GPR179: variants seen among roughly 807,000 people sequenced by gnomAD.
GPR179 encodes the protein G protein-coupled receptor 179.
GPR179 carries 52 observed loss-of-function variants against 70.8 expected under a neutral mutation model. That is an observed-to-expected ratio of 0.73 (90% CI 0.59 to 0.93). The LOEUF (loss-of-function observed/expected upper bound fraction) is 0.93, where lower values mean the gene tolerates loss of function less well. GPR179 is among the 40% of genes least tolerant of loss of function. GPR179 has a pLI of 0.00. For synonymous variants in GPR179, 1,123 were observed against 1,169.0 expected (o/e 0.96, Z 0.80); for missense variants, 2,734 against 2,966.8 (o/e 0.92, Z 1.82).
Position 38,336,969 on chromosome 17 carries a change from C to T in GPR179, c.1227+9G>A. 4.4e-6 allele frequency: 7 copies of T among 1,577,348 alleles called. No homozygotes were observed. Among genetic ancestry groups the T allele is most frequent in the Non-Finnish European group, 6.0e-6 (7 of 1,161,918 alleles). On this transcript the variant is annotated intron_variant, in intron 4 of 10. Coordinates refer to ENST00000616987, the MANE Select transcript of GPR179 (RefSeq NM_001004334.4). ...GACATGTGTGTAGGAGGTGTGGGGCCTTCCTTGCCTTGTTCCGGCGGCAGC... is the reference window on the plus strand; with the variant it reads ...GACATGTGTGTAGGAGGTGTGGGGCTTTCCTTGCCTTGTTCCGGCGGCAGC...
intron 4 of GPR179, among the ~76,000 whole-genome samples, chr17:38,336,506 C>G (rs1221927195): frequency 6.6e-6 from 1 of 152,242 alleles, no homozygotes; most frequent in Non-Finnish European, 1.5e-5. Context: ...TAGGGTACCC[C>G]TTCTTGGCCC....
Position 38,330,013 on chromosome 17 carries a change from C to G in GPR179, c.3556G>C (p.Gly1186Arg). The change falls in exon 11 of 11, where the codon GGT (glycine) becomes CGT (arginine). Residue 1186 changes from glycine to arginine, a missense_variant. By Grantham distance (125) the Gly-to-Arg change is moderately radical. Coordinates refer to ENST00000616987, the MANE Select transcript of GPR179 (RefSeq NM_001004334.4). ...QEDRGRRMTQ[G>R]LGERKAERAG... ...CTCTCAGCTTTCCGTTCCCCTAGAC[C>G]CTGGGTCATCCTCCTGCCTCTGTCT... is the stretch of plus-strand genomic sequence containing the variant. 6.2e-7 allele frequency: 1 copy of G among 1,614,226 alleles called. No individual in the cohort carries two copies. The highest frequency in any genetic ancestry group is 1.3e-5 in the African/African-American group (1 of 75,056).
rs534077744 is a variant in GPR179, at chr17:38,325,414, G to A, written c.*1051C>T. 1 of 141,016 alleles carries A rather than the reference G, an allele frequency of 7.1e-6. No homozygotes were observed. The highest frequency in any genetic ancestry group is 1.6e-5 in the Non-Finnish European group (1 of 64,360). The allele number at this position is 141,016 out of a possible 1,614,324, so 8.7% of individuals were successfully genotyped here. The stretch of plus-strand genomic sequence containing the variant: ...TGCCTTTCTTGAGCTCCTCTGGAAG[G>A]AGATTGATGTGGCCTCTTGTTACTG... On this transcript the variant is annotated 3_prime_UTR_variant, in exon 11 of 11. Coordinates refer to ENST00000616987, the MANE Select transcript of GPR179 (RefSeq NM_001004334.4).
In GPR179 at chr17:38,331,112, G is replaced by A. The variant is rs769007049; in HGVS notation, c.2457C>T (p.Ser819=). Residue 819 remains serine (S), a synonymous_variant, in exon 11 of 11, where the codon AGC becomes AGT. Coordinates refer to ENST00000616987, the MANE Select transcript of GPR179 (RefSeq NM_001004334.4). ...TCTCTCCCACCGTCAGGTTGTGGGCGCTGGCTGACCTGAAGCCCAGGGCAG... is the reference window on the plus strand; with the variant it reads ...TCTCTCCCACCGTCAGGTTGTGGGCACTGGCTGACCTGAAGCCCAGGGCAG... ...GPPALGFRSA[S]AHNLTVGERL... is the part of the protein sequence containing the mutation. 1.4e-5 allele frequency: 23 copies of A among 1,602,400 alleles called. No individual in the cohort carries two copies. The highest frequency in any genetic ancestry group is 1.3e-4 in the Admixed American group (8 of 59,820).
rs780626768 is a variant in GPR179, at chr17:38,330,532, A to C, written c.3037T>G (p.Ser1013Ala). 5 of 1,564,852 alleles carry C rather than the reference A, an allele frequency of 3.2e-6. No homozygotes were observed. The highest frequency in any genetic ancestry group is 4.3e-6 in the Non-Finnish European group (5 of 1,157,876). ...KQENVPQEGPSGPERGHHSPA... is the reference protein window; with the variant it reads ...KQENVPQEGPAGPERGHHSPA... Reference sequence around the variant, plus strand: ...GAGTGGTGGCCTCGCTCTGGCCCTGAGGGGCCTTCCTGGGGCACATTTTCT... The same window carrying C: ...GAGTGGTGGCCTCGCTCTGGCCCTGCGGGGCCTTCCTGGGGCACATTTTCT... The change falls in exon 11 of 11, where the codon TCA becomes GCA. Residue 1013 changes from serine to alanine, a missense_variant. Transcript: ENST00000616987.
Position 38,326,364 on chromosome 17 carries a change from G to C in GPR179, c.*101C>G. 1.2e-6 allele frequency: 1 copy of C among 869,488 alleles called. No homozygotes were observed. Among genetic ancestry groups the C allele is most frequent in the Non-Finnish European group, 1.8e-6 (1 of 560,392 alleles). The allele number at this position is 869,488 out of a possible 1,614,324, so 53.9% of individuals were successfully genotyped here. A position where few individuals can be genotyped will look rare whatever the true frequency, so the allele number is the denominator to read the frequency against. ...CTGGTCTTCTCAAGGAGGGGAAGTG[G>C]CCAAGCTGTCTTTGATTCAGCTCTT... On this transcript the variant is annotated 3_prime_UTR_variant, in exon 11 of 11. Coordinates refer to ENST00000616987, the MANE Select transcript of GPR179 (RefSeq NM_001004334.4).
At position 38,327,944 on chromosome 17, in the gene GPR179, A is replaced by C; in HGVS notation, c.5625T>G (p.Ile1875Met). ...ATTCCCTCAAGTCCTTGTTCTCCCA[A>C]ATACAAATAGTTTCCTGTTGTTGAC... ...KLCQQQETICIWENKDLRESP... is the reference protein window; with the variant it reads ...KLCQQQETICMWENKDLRESP... Residue 1875 changes from isoleucine (I) to methionine (M), a missense_variant, in exon 11 of 11, where the codon ATT becomes ATG. Coordinates refer to ENST00000616987, the MANE Select transcript of GPR179 (RefSeq NM_001004334.4). 3 of 1,614,154 alleles carry C rather than the reference A, an allele frequency of 1.9e-6. No individual in the cohort carries two copies. The highest frequency in any genetic ancestry group is 2.5e-6 in the Non-Finnish European group (3 of 1,180,034).
Position 38,343,191 on chromosome 17 carries a change from C to G in GPR179, c.599G>C (p.Arg200Pro). 1 of 1,614,130 alleles carries G rather than the reference C, an allele frequency of 6.2e-7. No homozygotes were observed. The highest frequency in any genetic ancestry group is 1.1e-5 in the South Asian group (1 of 91,078). The change falls in exon 1 of 11, where the codon CGA (arginine) becomes CCA (proline). Residue 200 changes from arginine to proline, a missense_variant. Coordinates refer to ENST00000616987, the MANE Select transcript of GPR179 (RefSeq NM_001004334.4). The surrounding 1 kb of genome is among the most constrained non-coding windows in gnomAD (Gnocchi z 4.2). ...GCTCCCTAGGTCATTGGTCAACACT[C>G]GCTTCTTCAGGGCAGGGGTGTCCAG... The part of the protein sequence containing the change: ...GDLDTPALKK[R>P]VLTNDLGSLG...
Position 38,328,046 on chromosome 17 carries a change from C to T in GPR179, c.5523G>A (p.Glu1841=), listed in dbSNP as rs779875179. The change falls in exon 11 of 11, where the codon GAG becomes GAA. Residue 1841 remains glutamate (E), a synonymous_variant. Coordinates refer to ENST00000616987, the MANE Select transcript of GPR179 (RefSeq NM_001004334.4). Reference sequence around the variant, plus strand: ...CCTTTTCTAGAGCTTTCTCCCTCTGCTCTGCTGATTCACTCCCTGCCTTTT... The same window carrying T: ...CCTTTTCTAGAGCTTTCTCCCTCTGTTCTGCTGATTCACTCCCTGCCTTTT... ...LDQKAGSESA[E]QREKALEKGR... 3.1e-6 allele frequency: 5 copies of T among 1,614,142 alleles called. No individual in the cohort carries two copies. In the East Asian group the frequency reaches 1.1e-4, roughly 36 times the overall value.
At position 38,337,712 on chromosome 17, in the gene GPR179, G is replaced by A; in HGVS notation, c.912C>T (p.Pro304=). Residue 304 remains proline, a synonymous_variant, in exon 3 of 11, where the codon CCC becomes CCT. Transcript: ENST00000616987. ...LCDLNSTQCV[P]LESQGFVLGR... ...CAAGAACAAAGCCCTGACTCTCCAG[G>A]GGGACACACTATGGGGACAACAAAC... 3.1e-6 allele frequency: 5 copies of A among 1,613,236 alleles called. No individual in the cohort carries two copies. The highest frequency in any genetic ancestry group is 4.2e-6 in the Non-Finnish European group (5 of 1,179,636).
chr17:38,343,733 A>ACAGCAGCC lies in GPR179; in HGVS notation c.49_56dup (p.Cys19TrpfsTer38). ...CCCCCAGAGCCCAGGCACAGACAAA[A>ACAGCAGCC]CAGCAGCCCAGCAGCCCCCACATAG... On this transcript the variant is annotated frameshift_variant, in exon 1 of 11. Coordinates refer to ENST00000616987, the MANE Select transcript of GPR179 (RefSeq NM_001004334.4). LOFTEE classifies it high-confidence loss of function. This position sits in a 1 kb window ranked among gnomAD's most constrained non-coding sequence, Gnocchi z 4.2. 1 of 1,557,832 alleles carries ACAGCAGCC rather than the reference A, an allele frequency of 6.4e-7. No individual in the cohort carries two copies.
chr17:38,342,100 G>C (rs1023283824), intron 1 of GPR179, among the ~76,000 whole-genome samples: 2 of 151,824 alleles, frequency 1.3e-5, no homozygotes, highest in African/African-American at 2.4e-5. Flanking sequence ...CTGGGCGACA[G>C]AGCGAGACTC....
chr17:38,327,439 CTTCTT>C lies in GPR179; in HGVS notation c.6125_6129del (p.Gln2042ArgfsTer52), dbSNP rs1567721940. The C allele has an allele frequency of 1.9e-6, 3 of 1,614,232 alleles. No homozygotes were observed. Among genetic ancestry groups the C allele is most frequent in the East Asian group, 2.2e-5 (1 of 44,886 alleles). On this transcript the variant is annotated frameshift_variant, in exon 11 of 11. Coordinates refer to ENST00000616987, the MANE Select transcript of GPR179 (RefSeq NM_001004334.4). LOFTEE classifies it low-confidence loss of function (END_TRUNC). ...GATTTTTCTGGGGCTCTGCCTTTCT[CTTCTT>C]GAGAGTCCCCTTTTCCATCCTGCCT...
Position 38,333,362 on chromosome 17 carries a change from C to T in GPR179, c.1926G>A (p.Met642Ile), listed in dbSNP as rs2037375842. 2.5e-6 allele frequency: 4 copies of T among 1,614,024 alleles called. No individual in the cohort carries two copies. The highest frequency in any genetic ancestry group is 3.4e-6 in the Non-Finnish European group (4 of 1,179,984). Residue 642 changes from methionine (M) to isoleucine (I), a missense_variant, in exon 10 of 11, where the codon ATG becomes ATA. Physicochemically the swap from Met to Ile is conservative, Grantham distance 10. Transcript: ENST00000616987. ...WKLGAPPREEMVDEVCEDELD... is the reference protein window; with the variant it reads ...WKLGAPPREEIVDEVCEDELD... ...GCTCGTCCTCACACACCTCATCCAC[C>T]ATCTCCTCCCGGGGAGGAGCCCCCA...
At position 38,325,191 on chromosome 17, in the gene GPR179, C is replaced by G. The variant is rs2037274459; in HGVS notation, c.*1274G>C. Among the ~76,000 whole-genome samples, 1 of 152,174 alleles carries G rather than the reference C, an allele frequency of 6.6e-6. No homozygotes were observed. Among genetic ancestry groups the G allele is most frequent in the Non-Finnish European group, 1.5e-5 (1 of 68,032 alleles). On this transcript the variant is annotated 3_prime_UTR_variant, in exon 11 of 11. Coordinates refer to ENST00000616987, the MANE Select transcript of GPR179 (RefSeq NM_001004334.4). ...CTCTGGTATTATCATCTAATCCCAG[C>G]AATTTGTAATCTAGTACTGCTTAAG...
In GPR179 at chr17:38,328,945, C is replaced by A. The variant is rs1262498130; in HGVS notation, c.4624G>T (p.Val1542Phe). 13 of 1,613,988 alleles carry A rather than the reference C, an allele frequency of 8.1e-6. No individual in the cohort carries two copies. Among genetic ancestry groups the A allele is most frequent in the Non-Finnish European group, 1.0e-5 (12 of 1,179,952 alleles). Reference protein sequence around the residue: ...QESVCPRESTVPGHSSPCLDN... With the variant: ...QESVCPRESTFPGHSSPCLDN... ...AGACATGGGCTGGAGTGCCCAGGGA[C>A]CGTGCTCTCCCTGGGACAAACTGAC... The change falls in exon 11 of 11, where the codon GTC (valine) becomes TTC (phenylalanine). Residue 1542 changes from valine (V) to phenylalanine (F), a missense_variant. Coordinates refer to ENST00000616987, the MANE Select transcript of GPR179 (RefSeq NM_001004334.4).
At position 38,329,935 on chromosome 17, in the gene GPR179, T is replaced by C; in HGVS notation, c.3634A>G (p.Ile1212Val). The C allele has an allele frequency of 1.2e-6, 2 of 1,614,226 alleles. No individual in the cohort carries two copies. Among genetic ancestry groups the C allele is most frequent in the Non-Finnish European group, 1.7e-6 (2 of 1,180,042 alleles). ...MLRQVSRDKN[I>V]KQSKETPVGW... ...ACAGGGGTTTCTTTTGATTGCTTGA[T>C]GTTTTTGTCCCTGGAAACTTGCCTC... Residue 1212 changes from isoleucine (I) to valine (V), a missense_variant, in exon 11 of 11, where the codon ATC becomes GTC. Coordinates refer to ENST00000616987, the MANE Select transcript of GPR179 (RefSeq NM_001004334.4).
chr17:38,331,805 G>A (rs1440152263), intron 10 of GPR179, among the ~76,000 whole-genome samples: 1 of 152,146 alleles, frequency 6.6e-6, no homozygotes, highest in Non-Finnish European at 1.5e-5. Flanking sequence ...TTAGTAGCTT[G>A]GGGACACTCA....
rs2037391101 is a variant in GPR179 at position 38,335,045 on chromosome 17, T to C, written c.1633A>G (p.Ile545Val). 3.7e-6 allele frequency: 6 copies of C among 1,612,778 alleles called. No homozygotes were observed. Among genetic ancestry groups the C allele is most frequent in the Admixed American group, 3.3e-5 (2 of 59,988 alleles). Residue 545 changes from isoleucine to valine, a missense_variant, in exon 7 of 11, where the codon ATC (isoleucine) becomes GTC (valine). Physicochemically the swap from Ile to Val is conservative, Grantham distance 29. Transcript: ENST00000616987. ...YLCHHDRWDY[I>V]MVVAELLLLC... ...AGAAGCAGCTCACCCACAACCATGATGTAGTCCCAGCGGTCGTGGTGACAG... is the reference window on the plus strand; with the variant it reads ...AGAAGCAGCTCACCCACAACCATGACGTAGTCCCAGCGGTCGTGGTGACAG...
Sources: allele counts gnomAD v4.1 joint callset (sites outside exome capture counted in the v4.1 genomes callset), GRCh38; gene constraint gnomAD v4.1.1; non-coding constraint Gnocchi (gnomAD v3.1); transcripts MANE v1.5; gene names NCBI Gene and HGNC (gene_info 2026-07-23, HGNC 2026-07-21).